Variants in NFIB observed in about 807,000 individuals in gnomAD.
NFIB encodes nuclear factor I B, also known as nuclear factor 1 B-type.
Under a neutral mutation model 61.5 loss-of-function variants are expected in NFIB, and 11 were observed. That is an observed-to-expected ratio of 0.18 (90% CI 0.11 to 0.30). NFIB has a LOEUF of 0.30. NFIB is among the 10% of genes least tolerant of loss of function. The pLI, the probability that NFIB is intolerant of heterozygous loss-of-function variation, is 1.00. For synonymous variants in NFIB, 260 were observed against 216.5 expected (o/e 1.20, Z -1.76); for missense variants, 471 against 608.9 (o/e 0.77, Z 2.38).
At chr9:14,228,680 A>C (rs2052747965) in intron 2 of NFIB, among the ~76,000 whole-genome samples, 1 of 152,226 alleles carries the variant, frequency 6.6e-6, no homozygotes, top group African/African-American at 2.4e-5. Context: ...TATTCTAATG[A>C]AAAAGCTTCC....
At chr9:14,475,872 C>G in the NFIB span, among the ~76,000 whole-genome samples, 1 of 152,162 alleles carries the variant, frequency 6.6e-6, no homozygotes, top group Admixed American at 6.5e-5. Context: ...GGCTCCTTTT[C>G]TTCAGCTACA....
At chr9:14,390,637 T>A (rs2061608557) in intron 1 of NFIB, among the ~76,000 whole-genome samples, 1 of 152,146 alleles carries the variant, frequency 6.6e-6, no homozygotes, top group East Asian at 1.9e-4. Flanking sequence ...AGGTGAAGCT[T>A]TTGGAAGGTT....
At chr9:14,367,105 C>T (rs181897552) in intron 1 of NFIB, among the ~76,000 whole-genome samples, 4 of 152,316 alleles carry the variant, frequency 2.6e-5, no homozygotes, top group Admixed American at 2.0e-4. Flanking sequence ...TTCAATTCTA[C>T]TCAGTGCAAC....
chr9:14,304,671 T>C (rs1278154997), intron 2 of NFIB, among the ~76,000 whole-genome samples: 3 of 152,240 alleles, frequency 2.0e-5, no homozygotes, highest in Non-Finnish European at 4.4e-5. Context: ...CTTTCGTGTT[T>C]TCCTTTATAC....
the NFIB span, among the ~76,000 whole-genome samples, chr9:14,485,675 G>C: frequency 6.6e-6 from 1 of 152,124 alleles, no homozygotes; most frequent in Non-Finnish European, 1.5e-5. Flanking sequence ...AGGAGTTCGA[G>C]ACCAGCTTGG....
At chr9:14,160,096 G>A (rs1445747787) in intron 3 of NFIB, among the ~76,000 whole-genome samples, 1 of 152,138 alleles carries the variant, frequency 6.6e-6, no homozygotes, top group Admixed American at 6.5e-5. Context: ...GTGTGATGCT[G>A]TATTTACACT....
At chr9:14,138,513 G>A (rs2041325117) in intron 6 of NFIB, among the ~76,000 whole-genome samples, 2 of 151,860 alleles carry the variant, frequency 1.3e-5, no homozygotes, top group South Asian at 4.2e-4. Context: ...AGAAATTAAT[G>A]TTATATTTGT....
chr9:14,272,618 C>T (rs954913148), intron 2 of NFIB, among the ~76,000 whole-genome samples: 1 of 138,918 alleles, frequency 7.2e-6, no homozygotes, highest in Non-Finnish European at 1.5e-5. Context: ...TGCTAAATAA[C>T]ATCGGCCTGC....
intron 2 of NFIB, among the ~76,000 whole-genome samples, chr9:14,249,582 T>C (rs527869642): frequency 6.6e-6 from 1 of 152,294 alleles, no homozygotes; most frequent in African/African-American, 2.4e-5. Flanking sequence ...TTCCTCAGTT[T>C]ACGTCTATCA....
the NFIB span, among the ~76,000 whole-genome samples, chr9:14,411,802 A>T: frequency 6.6e-6 from 1 of 152,170 alleles, no homozygotes; most frequent in Admixed American, 6.5e-5. Flanking sequence ...TACCAATAGA[A>T]TACAGCAGAA....
chr9:14,231,005 T>C (rs1335743524), intron 2 of NFIB, among the ~76,000 whole-genome samples: 2 of 150,184 alleles, frequency 1.3e-5, no homozygotes, highest in African/African-American at 4.9e-5. Context: ...GCAAGATGAG[T>C]AACTGAGGAT....
chr9:14,442,161 A>ACCTCGCTTAATCACCAC, the NFIB span, among the ~76,000 whole-genome samples: 8 of 151,896 alleles, frequency 5.3e-5, no homozygotes, highest in Admixed American at 1.3e-4. Flanking sequence ...CTCTGGGTCC[A>ACCTCGCTTAATCACCAC]CCTCGCTTAA....
chr9:14,497,386 G>A, the NFIB span, among the ~76,000 whole-genome samples: 22 of 152,260 alleles, frequency 1.4e-4, no homozygotes, highest in South Asian at 2.9e-3. Flanking sequence ...GGCAGTCTTC[G>A]TGGCTCTGCC....
At chr9:14,198,152 GC>G (rs1418369743) in intron 2 of NFIB, among the ~76,000 whole-genome samples, 1 of 152,044 alleles carries the variant, frequency 6.6e-6, no homozygotes, top group Non-Finnish European at 1.5e-5. Context: ...AATAATAAAA[GC>G]TTTGCTTTAT....
the NFIB span, among the ~76,000 whole-genome samples, chr9:14,509,788 T>C: frequency 1.3e-5 from 2 of 152,296 alleles, no homozygotes; most frequent in Middle Eastern, 3.4e-3. Flanking sequence ...CATGGTGAAA[T>C]GGCCCTTCCT....
the NFIB span, among the ~76,000 whole-genome samples, chr9:14,439,843 G>C: frequency 6.6e-6 from 1 of 152,224 alleles, no homozygotes; most frequent in African/African-American, 2.4e-5. Context: ...AAACACCCCC[G>C]AGGCGGAAGC....
intron 1 of NFIB, chr9:14,361,527 CACAT>C (rs1334403570): frequency 2.0e-5 from 3 of 152,184 alleles, no homozygotes; most frequent in African/African-American, 7.2e-5. Context: ...TACATGCACA[CACAT>C]GCATGCATGC....
At chr9:14,379,017 G>T (rs2061452897) in intron 1 of NFIB, among the ~76,000 whole-genome samples, 1 of 152,166 alleles carries the variant, frequency 6.6e-6, no homozygotes, top group Non-Finnish European at 1.5e-5. Context: ...ACGCATTGTT[G>T]CTATCTGTAT....
intron 2 of NFIB, among the ~76,000 whole-genome samples, chr9:14,258,346 A>C (rs993984814): frequency 2.2e-4 from 34 of 152,254 alleles, no homozygotes; most frequent in Admixed American, 5.9e-4. Flanking sequence ...CTGGTGGGTG[A>C]GAACAGCATG....
Sources: gnomAD v4.1 joint callset for allele counts (sites outside exome capture counted in the v4.1 genomes callset) on GRCh38, gnomAD v4.1.1 for gene constraint, MANE v1.5 for transcripts, NCBI Gene and HGNC (gene_info 2026-07-23, HGNC 2026-07-21) for gene names.